The following CFAP206 variants were observed in gnomAD, a reference collection of about 807,000 sequenced individuals.
CFAP206 encodes the protein cilia- and flagella-associated protein 206.
In CFAP206, 53 loss-of-function variants were observed where a neutral mutation model predicts 65.4. That is an observed-to-expected ratio of 0.81 (90% CI 0.65 to 1.02). The LOEUF is 1.02. Ranked by LOEUF, CFAP206 falls within the 50% of genes least tolerant of loss-of-function variation. The probability of loss-of-function intolerance (pLI) is 0.00; values close to 1 mark genes in which losing one functional copy is unlikely to be tolerated. For missense variants in CFAP206, 663 were observed against 753.2 expected (o/e 0.88, Z 1.40); for synonymous variants, 250 against 254.4 (o/e 0.98, Z 0.17).
chr6:87,428,176 C>T (rs548171288), intron 8 of CFAP206, among the ~76,000 whole-genome samples: 27 of 151,868 alleles, frequency 1.8e-4, no homozygotes, highest in African/African-American at 5.3e-4. Flanking sequence ...TTAGTAGAGA[C>T]GGGGTTTTGC....
At chr6:87,457,264 T>C (rs1473659348) in intron 11 of CFAP206, among the ~76,000 whole-genome samples, 1 of 151,844 alleles carries the variant, frequency 6.6e-6, no homozygotes, top group Non-Finnish European at 1.5e-5. Flanking sequence ...ACAGATTCAA[T>C]GCAATCCTTA....
At position 87,418,417 on chromosome 6, in the gene CFAP206, G is replaced by A. The variant is rs1164431351; in HGVS notation, c.840+1G>A. On this transcript the variant is annotated splice_donor_variant, in intron 7 of 12. Transcript: ENST00000369562. LOFTEE classifies it high-confidence loss of function. ...TGAGGTCTTCCTTCAGATCATTTTG[G>A]TGAGTTAAGTTCATAAGACCTGACC... The A allele has an allele frequency of 6.2e-7, 1 of 1,613,234 alleles. No individual in the cohort carries two copies. Among genetic ancestry groups the A allele is most frequent in the South Asian group, 1.1e-5 (1 of 91,054 alleles).
rs376371829 is a variant in CFAP206, at chr6:87,418,201, C to A, written c.632-7C>A. 3.1e-6 allele frequency: 5 copies of A among 1,613,784 alleles called. No homozygotes were observed. The South Asian group carries it at 3.3e-5, about 11-fold the overall frequency. ...TTATGGCTGCCTTTTCATACTCTTACAAACAGTGCCAGCTGTTCTCCATGT... is the reference window on the plus strand; with the variant it reads ...TTATGGCTGCCTTTTCATACTCTTAAAAACAGTGCCAGCTGTTCTCCATGT... On this transcript the variant is annotated splice_region_variant and splice_polypyrimidine_tract_variant and intron_variant, in intron 6 of 12. Transcript: ENST00000369562.
intron 7 of CFAP206, among the ~76,000 whole-genome samples, chr6:87,420,083 G>GAATA (rs1767913526): frequency 6.6e-6 from 1 of 152,058 alleles, no homozygotes; most frequent in Non-Finnish European, 1.5e-5. Flanking sequence ...TCTCTAAAAA[G>GAATA]AATAAATAAA....
chr6:87,413,685 G>A lies in CFAP206; in HGVS notation c.193-125G>A, dbSNP rs542352918. The A allele has an allele frequency of 2.7e-4, 159 of 589,348 alleles. 1 individual carries two copies. In the Middle Eastern group the frequency reaches 9.9e-3, roughly 37 times the overall value. 36.5% of individuals were successfully genotyped at this position (589,348 alleles called of 1,614,324 possible). On this transcript the variant is annotated intron_variant, in intron 3 of 12. Coordinates refer to ENST00000369562, the MANE Select transcript of CFAP206 (RefSeq NM_001031743.3). ...CCTCAAGGAGAAAAAAAAAATAAAA[G>A]GGGTTATTGGTGAATCAATATCAGG...
chr6:87,427,287 G>A (rs540612315), intron 8 of CFAP206, among the ~76,000 whole-genome samples: 6 of 152,188 alleles, frequency 3.9e-5, no homozygotes, highest in East Asian at 1.9e-4. Flanking sequence ...ACAGGCGCCC[G>A]CCACCATGCC....
chr6:87,416,618 T>C (rs753751096), intron 5 of CFAP206, 51 bp from the exon 6 acceptor site: 2 of 1,511,374 alleles, frequency 1.3e-6, no homozygotes, highest in South Asian at 1.3e-5. Context: ...ACGTCTGATA[T>C]CTTTATTCTA....
At chr6:87,448,726 T>A (rs544829546) in intron 11 of CFAP206, among the ~76,000 whole-genome samples, 1 of 152,198 alleles carries the variant, frequency 6.6e-6, no homozygotes, top group African/African-American at 2.4e-5. Context: ...TGGGATCAAC[T>A]TTTTTAGCTC....
In CFAP206 at chr6:87,410,647, T is replaced by C. The variant is rs781547513; in HGVS notation, c.171T>C (p.Ser57=). 3.1e-6 allele frequency: 5 copies of C among 1,613,850 alleles called. No individual in the cohort carries two copies. The highest frequency in any genetic ancestry group is 4.5e-5 in the East Asian group (2 of 44,878). Residue 57 remains serine (S), a synonymous_variant, in exon 3 of 13, where the codon AGT becomes AGC. Transcript: ENST00000369562. ...GFNMDRTLMK[S]DVQNLVKLCM... The stretch of plus-strand genomic sequence containing the variant: ...ACATGGATAGAACCCTCATGAAAAG[T>C]GATGTGCAGAATCTTGTTAAGGTGA...
intron 1 of CFAP206, chr6:87,408,417 G>C (rs372496850): frequency 5.9e-5 from 9 of 152,456 alleles, no homozygotes; most frequent in Non-Finnish European, 1.2e-4. Context: ...CAGGGAAGGT[G>C]CTGAGCCGCG....
chr6:87,451,905 A>G (rs530741649), intron 11 of CFAP206, among the ~76,000 whole-genome samples: 46 of 152,088 alleles, frequency 3.0e-4, no homozygotes, highest in African/African-American at 1.1e-3. Context: ...GCTTCCCTGA[A>G]AGGGGAGGCC....
At chr6:87,455,016 G>A (rs369245012) in intron 11 of CFAP206, among the ~76,000 whole-genome samples, 3 of 151,074 alleles carry the variant, frequency 2.0e-5, no homozygotes, top group Admixed American at 6.6e-5. Context: ...TCTGCCTCCC[G>A]GGTTCAAGTG....
chr6:87,432,780 G>C (rs1381958358), intron 10 of CFAP206, among the ~76,000 whole-genome samples: 1 of 152,170 alleles, frequency 6.6e-6, no homozygotes, highest in Non-Finnish European at 1.5e-5. Flanking sequence ...AAGAGCTTTT[G>C]GGGCCATGAG....
At chr6:87,420,364 C>G (rs542319350) in intron 7 of CFAP206, among the ~76,000 whole-genome samples, 1 of 152,326 alleles carries the variant, frequency 6.6e-6, no homozygotes, top group African/African-American at 2.4e-5. Flanking sequence ...AGAATCTTCT[C>G]ATAGCTTGCA....
intron 11 of CFAP206, among the ~76,000 whole-genome samples, chr6:87,457,510 T>C (rs1768668498): frequency 6.6e-6 from 1 of 151,916 alleles, no homozygotes; most frequent in Non-Finnish European, 1.5e-5. Context: ...CAGAAATAAA[T>C]CCATACATCT....
intron 5 of CFAP206, 53 bp from the exon 6 acceptor site, chr6:87,416,616 T>C: frequency 6.7e-7 from 1 of 1,499,156 alleles, no homozygotes; most frequent in South Asian, 1.3e-5. Flanking sequence ...TAACGTCTGA[T>C]ATCTTTATTC....
intron 11 of CFAP206, among the ~76,000 whole-genome samples, chr6:87,439,555 CTTTTA>C (rs1436734402): frequency 2.6e-5 from 4 of 151,936 alleles, no homozygotes; most frequent in African/African-American, 9.7e-5. Context: ...ATGAACAAGT[CTTTTA>C]TTTTAATGTG....
At chr6:87,445,941 T>G (rs1391397826) in intron 11 of CFAP206, among the ~76,000 whole-genome samples, 1 of 152,240 alleles carries the variant, frequency 6.6e-6, no homozygotes, top group African/African-American at 2.4e-5. Flanking sequence ...TGACTTGCGT[T>G]TCTCTAATCA....
In CFAP206 at chr6:87,415,835, G is replaced by GA; in HGVS notation, c.433_434insA (p.Gly145GlufsTer33). The stretch of plus-strand genomic sequence containing the variant: ...CTATGTGTTACTCCGCTCTGGCCTT[G>GA]GATCCCCTACAGACATCAAGACTGT... On this transcript the variant is annotated frameshift_variant, in exon 5 of 13. Transcript: ENST00000369562. LOFTEE classifies it high-confidence loss of function. The GA allele has an allele frequency of 6.2e-7, 1 of 1,609,262 alleles. No homozygotes were observed. Among genetic ancestry groups the GA allele is most frequent in the Non-Finnish European group, 8.5e-7 (1 of 1,178,028 alleles).
Sources: allele counts gnomAD v4.1 joint callset (sites outside exome capture counted in the v4.1 genomes callset), GRCh38; gene constraint gnomAD v4.1.1; transcripts MANE v1.5; gene names NCBI Gene and HGNC (gene_info 2026-07-23, HGNC 2026-07-21).